PATJ: variants seen among roughly 807,000 people sequenced by gnomAD.
PATJ encodes PATJ crumbs cell polarity complex component.
PATJ carries 190 observed loss-of-function variants against 224.9 expected under a neutral mutation model. That is an observed-to-expected ratio of 0.84 (90% CI 0.75 to 0.95). The LOEUF (loss-of-function observed/expected upper bound fraction) is 0.95, where lower values mean the gene tolerates loss of function less well. Among genes scored for constraint, PATJ ranks in the 40% least tolerant of loss-of-function variants. PATJ has a pLI of 0.00. For synonymous variants in PATJ, 769 were observed against 820.3 expected (o/e 0.94, Z 1.07); for missense variants, 2,121 against 2,270.3 (o/e 0.93, Z 1.34).
intron 27 of PATJ, among the ~76,000 whole-genome samples, chr1:61,959,425 A>ATTTTTTTCTT (rs1557944867): frequency 6.5e-5 from 4 of 61,150 alleles, no homozygotes; most frequent in African/African-American, 2.7e-4. Flanking sequence ...TATATAATAT[A>ATTTTTTTCTT]TTTTTTTTCT....
At chr1:61,951,540 TG>T (rs1030920312) in intron 27 of PATJ, among the ~76,000 whole-genome samples, 4 of 151,574 alleles carry the variant, frequency 2.6e-5, no homozygotes, top group African/African-American at 7.3e-5. Flanking sequence ...TTCAGGTGTG[TG>T]GGGGGTAGGG....
chr1:62,130,703 T>G (rs1666168329), intron 41 of PATJ, among the ~76,000 whole-genome samples: 1 of 151,674 alleles, frequency 6.6e-6, no homozygotes, highest in Admixed American at 6.6e-5. Flanking sequence ...TACAAAAAAT[T>G]AGCCGGGCAT....
In PATJ at chr1:62,033,583, C is replaced by G. The variant is rs1649741244; in HGVS notation, c.3960-4394C>G. 3.9e-5 allele frequency among the ~76,000 whole-genome samples: 6 copies of G among 152,172 alleles called. No individual in the cohort carries two copies. In the South Asian group the frequency reaches 1.2e-3, roughly 31 times the overall value. On this transcript the variant is annotated intron_variant, in intron 29 of 43. Coordinates refer to ENST00000642238, the MANE Select transcript of PATJ (RefSeq NM_001350145.3). Reference sequence around the variant, plus strand: ...CAGGCATCTGCCCCCTTTATCCAATCTGCTTGAGGGCAGGGCTGTTAGTAC... The same window carrying G: ...CAGGCATCTGCCCCCTTTATCCAATGTGCTTGAGGGCAGGGCTGTTAGTAC...
At chr1:61,797,242 T>C in intron 10 of PATJ, 45 bp from the exon 11 acceptor site, 4 of 1,576,760 alleles carry the variant, frequency 2.5e-6, no homozygotes, top group Non-Finnish European at 3.5e-6. Context: ...CTAAAAATAG[T>C]AGCTAATTTA....
At chr1:61,871,539 G>GTGTATATATA in intron 20 of PATJ, among the ~76,000 whole-genome samples, 1 of 51,484 alleles carries the variant, frequency 1.9e-5, no homozygotes, top group Middle Eastern at 0.017. Flanking sequence ...GTGTGTGTGT[G>GTGTATATATA]TATATATATA....
chr1:62,114,921 AAAAG>A (rs1354231369), intron 35 of PATJ: 9 of 152,088 alleles, frequency 5.9e-5, no homozygotes, highest in Admixed American at 2.0e-4. Context: ...AAAAAAAAAA[AAAAG>A]AAAAGGAAAA....
At chr1:62,028,540 A>C (rs541947177) in intron 29 of PATJ, among the ~76,000 whole-genome samples, 1 of 152,280 alleles carries the variant, frequency 6.6e-6, no homozygotes, top group South Asian at 2.1e-4. Flanking sequence ...GCACTTTGGG[A>C]GGCTGAGGTG....
intron 28 of PATJ, chr1:62,013,436 T>C (rs1036008627): frequency 3.0e-6 from 3 of 985,342 alleles, no homozygotes; most frequent in Non-Finnish European, 3.6e-6. Flanking sequence ...CACATCCTCA[T>C]TGAGGGCCAC....
rs1400834444 is a variant in PATJ, at chr1:61,883,515, T to A, written c.2960-722T>A. On this transcript the variant is annotated intron_variant, in intron 21 of 43. Coordinates refer to ENST00000642238, the MANE Select transcript of PATJ (RefSeq NM_001350145.3). ...CTGTAATCTCAGCACTTTGGAAGGC[T>A]GAGGCAGGTGGATCACCTGAGGTCA... 3.3e-5 allele frequency among the ~76,000 whole-genome samples: 5 copies of A among 152,202 alleles called. No homozygotes were observed. The East Asian group carries it at 7.7e-4, about 23-fold the overall frequency.
chr1:61,896,369 G>A (rs1412913500), intron 22 of PATJ, among the ~76,000 whole-genome samples: 2 of 151,998 alleles, frequency 1.3e-5, no homozygotes, highest in South Asian at 2.1e-4. Context: ...CTTTGTTTTG[G>A]CCAGTTTCTC....
intron 28 of PATJ, among the ~76,000 whole-genome samples, chr1:62,006,100 T>TTTTTG (rs71582658): frequency 1.4e-4 from 22 of 151,984 alleles, no homozygotes; most frequent in Non-Finnish European, 2.2e-4. Flanking sequence ...TTCTTTTCTT[T>TTTTTG]TTTTGTTTTG....
At chr1:61,842,048 T>G (rs1318565201) in intron 17 of PATJ, among the ~76,000 whole-genome samples, 1 of 152,190 alleles carries the variant, frequency 6.6e-6, no homozygotes. Context: ...TAAGTTTTGC[T>G]TTTCAAGCCT....
In PATJ at chr1:62,086,456, T is replaced by C. The variant is rs1659996940; in HGVS notation, c.4377+1808T>C. On this transcript the variant is annotated intron_variant, in intron 33 of 43. Transcript: ENST00000642238. This position sits in a 1 kb window ranked among gnomAD's most constrained non-coding sequence, Gnocchi z 4.0. ...AGGGCGACTCCCTAGAGACAATCAC[T>C]CTTGTTAATGAATATGTTTTAAATG... Among the ~76,000 whole-genome samples the C allele has an allele frequency of 6.6e-6, 1 of 152,166 alleles. No individual in the cohort carries two copies.
chr1:61,996,783 C>T (rs1425187364), intron 28 of PATJ, among the ~76,000 whole-genome samples: 8 of 144,316 alleles, frequency 5.5e-5, no homozygotes, highest in South Asian at 2.2e-4. Context: ...TGCTCTATCG[C>T]CCAGGCTGGA....
chr1:61,901,418 G>A lies in PATJ; in HGVS notation c.3340G>A (p.Gly1114Arg). ...ACAAGTTTTAGAAGACAGTCCAGCA[G>A]GGAAGACGAACGCACTTAAAACTGG... ...IKQVLEDSPA[G>R]KTNALKTGDK... is the part of the protein sequence containing the mutation. The change falls in exon 24 of 44, where the codon GGG becomes AGG. Residue 1114 changes from glycine to arginine, a missense_variant. Coordinates refer to ENST00000642238, the MANE Select transcript of PATJ (RefSeq NM_001350145.3). The A allele has an allele frequency of 6.3e-7, 1 of 1,585,914 alleles. No homozygotes were observed. The highest frequency in any genetic ancestry group is 1.4e-5 in the African/African-American group (1 of 73,120).
chr1:62,118,755 G>A (rs185489642), intron 37 of PATJ, among the ~76,000 whole-genome samples: 2 of 151,910 alleles, frequency 1.3e-5, no homozygotes, highest in Non-Finnish European at 2.9e-5. Context: ...TCAGCCTCTC[G>A]AGTAGCTGGG....
At chr1:61,795,062 G>A (rs1031937582) in intron 9 of PATJ, among the ~76,000 whole-genome samples, 1 of 145,362 alleles carries the variant, frequency 6.9e-6, no homozygotes, top group Admixed American at 7.0e-5. Context: ...TCTAAATATA[G>A]GCAGGAAGAC....
At chr1:62,029,701 G>A (rs191644949) in intron 29 of PATJ, among the ~76,000 whole-genome samples, 162 of 152,246 alleles carry the variant, frequency 1.1e-3, no homozygotes, top group Admixed American at 1.8e-3. Context: ...AGGAGCAAGC[G>A]ATTGCTGTTG....
At chr1:61,782,424 T>C (rs1330314799) in intron 7 of PATJ, among the ~76,000 whole-genome samples, 2 of 152,178 alleles carry the variant, frequency 1.3e-5, no homozygotes, top group Non-Finnish European at 2.9e-5. Context: ...ACAACTGACC[T>C]TTGGCCATAC....
Sources: gnomAD v4.1 joint callset for allele counts (sites outside exome capture counted in the v4.1 genomes callset) on GRCh38, gnomAD v4.1.1 for gene constraint, Gnocchi (gnomAD v3.1) non-coding constraint, MANE v1.5 for transcripts, NCBI Gene and HGNC (gene_info 2026-07-23, HGNC 2026-07-21) for gene names.